The following C6orf132 variants were observed in gnomAD, a reference collection of about 807,000 sequenced individuals.
The protein encoded by C6orf132 is uncharacterized protein C6orf132.
In C6orf132, 43 loss-of-function variants were observed where a neutral mutation model predicts 65.3. The observed-to-expected ratio is 0.66, with a 90% CI of 0.52 to 0.85. C6orf132 has a LOEUF of 0.85. Among genes scored for constraint, C6orf132 ranks in the 40% least tolerant of loss-of-function variants. The probability of loss-of-function intolerance (pLI) is 0.00; values close to 1 mark genes in which losing one functional copy is unlikely to be tolerated. For synonymous variants in C6orf132, 631 were observed against 654.1 expected (o/e 0.96, Z 0.54); for missense variants, 1,488 against 1,548.8 (o/e 0.96, Z 0.66).
At chr6:42,119,966 T>C (rs9369338) in intron 2 of C6orf132, among the ~76,000 whole-genome samples, 78,647 of 151,432 alleles carry the variant, frequency 0.52, 20,840 homozygotes, top group Middle Eastern at 0.68. Flanking sequence ...TGGTGGCACA[T>C]GCCTGTAATC....
chr6:42,105,787 T>C lies in C6orf132; in HGVS notation c.2125A>G (p.Lys709Glu). 6.5e-7 allele frequency: 1 copy of C among 1,537,298 alleles called. No homozygotes were observed. Among genetic ancestry groups the C allele is most frequent in the Non-Finnish European group, 8.7e-7 (1 of 1,146,918 alleles). ...PTTTSQLMAE[K>E]DSGPAGQPEK... ...GGCTGGCCAGCTGGGCCTGAGTCCT[T>C]CTCTGCCATCAGTTGGGATGTGGTG... is the stretch of plus-strand genomic sequence containing the variant. Residue 709 changes from lysine to glutamate, a missense_variant, in exon 4 of 5, where the codon AAG (lysine) becomes GAG (glutamate). Coordinates refer to ENST00000341865, the MANE Select transcript of C6orf132 (RefSeq NM_001164446.3).
chr6:42,112,751 C>T (rs1399348686), intron 2 of C6orf132, among the ~76,000 whole-genome samples: 1 of 152,158 alleles, frequency 6.6e-6, no homozygotes, highest in Non-Finnish European at 1.5e-5. Context: ...TGGTATCCCC[C>T]AAAGCTGGAT....
chr6:42,121,693 C>T (rs564172560), intron 2 of C6orf132, among the ~76,000 whole-genome samples: 2 of 152,380 alleles, frequency 1.3e-5, no homozygotes, highest in African/African-American at 4.8e-5. Flanking sequence ...TCGTGGAATG[C>T]AAACTTCCTC....
chr6:42,141,639 G>T (rs915608135), intron 1 of C6orf132, among the ~76,000 whole-genome samples: 4 of 152,172 alleles, frequency 2.6e-5, no homozygotes, highest in Admixed American at 1.3e-4. Context: ...TGGCTCCTCG[G>T]TCTTAGCCCA....
intron 1 of C6orf132, among the ~76,000 whole-genome samples, chr6:42,140,346 G>C (rs995941362): frequency 6.6e-6 from 1 of 152,242 alleles, no homozygotes; most frequent in Non-Finnish European, 1.5e-5. Flanking sequence ...AAGTGGCTGA[G>C]AGGCGTGGCT....
chr6:42,108,768 A>T (rs1046940510), intron 3 of C6orf132, among the ~76,000 whole-genome samples: 5 of 152,058 alleles, frequency 3.3e-5, no homozygotes, highest in African/African-American at 1.2e-4. Flanking sequence ...CCTCTCCCAG[A>T]GTCTACTTCC....
intron 2 of C6orf132, among the ~76,000 whole-genome samples, chr6:42,115,669 ATAAAACGGT>A (rs1245812212): frequency 2.0e-5 from 3 of 152,212 alleles, no homozygotes; most frequent in Admixed American, 1.3e-4. Flanking sequence ...AAATAAATAA[ATAAAACGGT>A]TAAAACGGTA....
chr6:42,109,116 G>A (rs1484467680), intron 3 of C6orf132, among the ~76,000 whole-genome samples: 2 of 152,172 alleles, frequency 1.3e-5, no homozygotes, highest in Non-Finnish European at 2.9e-5. Flanking sequence ...ACCAGCAGGG[G>A]AGGGGTGCAG....
At chr6:42,132,291 G>A (rs573627662) in intron 1 of C6orf132, among the ~76,000 whole-genome samples, 12 of 151,956 alleles carry the variant, frequency 7.9e-5, no homozygotes, top group South Asian at 2.1e-4. Context: ...CGAGGCGGGC[G>A]GATCACAAGG....
chr6:42,115,960 C>T (rs1240342858), intron 2 of C6orf132, among the ~76,000 whole-genome samples: 6 of 115,016 alleles, frequency 5.2e-5, no homozygotes, highest in Admixed American at 4.7e-4. Flanking sequence ...GAGATGGTCT[C>T]GCTGTGTCGC....
chr6:42,106,417 G>A lies in C6orf132; in HGVS notation c.1495C>T (p.Gln499Ter). 1 of 1,536,070 alleles carries A rather than the reference G, an allele frequency of 6.5e-7. No individual in the cohort carries two copies. Among genetic ancestry groups the A allele is most frequent in the Non-Finnish European group, 8.7e-7 (1 of 1,146,858 alleles). Residue 499 changes from glutamine to a stop codon, truncating the protein, a stop_gained, in exon 4 of 5, where the codon CAG becomes TAG. Transcript: ENST00000341865. LOFTEE classifies it high-confidence loss of function. ...GGGCCCTTCTTGCCCTCCTTGCTCTGAGGGGCCACTGTTGGGCCTGGCCTG... is the reference window on the plus strand; with the variant it reads ...GGGCCCTTCTTGCCCTCCTTGCTCTAAGGGGCCACTGTTGGGCCTGGCCTG... ...SHRPGPTVAP[Q>*]SKEGKKGPRL... is the part of the protein sequence containing the mutation.
chr6:42,137,368 C>T (rs1766960428), intron 1 of C6orf132, among the ~76,000 whole-genome samples: 1 of 152,126 alleles, frequency 6.6e-6, no homozygotes, highest in Admixed American at 6.5e-5. Flanking sequence ...GCCGGCAAAC[C>T]ACAGCACACC....
In C6orf132 at chr6:42,105,720, G is replaced by A; in HGVS notation, c.2192C>T (p.Ala731Val). The A allele has an allele frequency of 6.5e-7, 1 of 1,537,324 alleles. No homozygotes were observed. Among genetic ancestry groups the A allele is most frequent in the Non-Finnish European group, 8.7e-7 (1 of 1,146,928 alleles). ...CTCTGAGGGGGACCCCTCTCCCCTTGCCTGGGAGGGAGTGGAAACTTCTTG... is the reference window on the plus strand; with the variant it reads ...CTCTGAGGGGGACCCCTCTCCCCTTACCTGGGAGGGAGTGGAAACTTCTTG... ...ASQEVSTPSQ[A>V]RGEGSPSEAT... The change falls in exon 4 of 5, where the codon GCA becomes GTA. Residue 731 changes from alanine to valine, a missense_variant. By Grantham distance (64) the Ala-to-Val change is moderately conservative (BLOSUM62 0). Coordinates refer to ENST00000341865, the MANE Select transcript of C6orf132 (RefSeq NM_001164446.3).
At position 42,101,125 on chromosome 6, in the gene C6orf132, T is replaced by C. The variant is rs910177559; in HGVS notation, c.*2636A>G. 2 of 145,270 alleles carry C rather than the reference T, an allele frequency of 1.4e-5. No individual in the cohort carries two copies. The highest frequency in any genetic ancestry group is 3.0e-5 in the Non-Finnish European group (2 of 65,752). The allele number at this position is 145,270 out of a possible 1,614,324, so 9.0% of individuals were successfully genotyped here. A position where few individuals can be genotyped will look rare whatever the true frequency, so the allele number is the denominator to read the frequency against. On this transcript the variant is annotated 3_prime_UTR_variant, in exon 5 of 5. Transcript: ENST00000341865. ...TAAAAGTATGACGTCAAGATGGCCT[T>C]AAAAAAAAAAGCTTTATGGAAAACT...
intron 3 of C6orf132, among the ~76,000 whole-genome samples, chr6:42,108,418 C>T (rs1766446941): frequency 6.6e-6 from 1 of 152,148 alleles, no homozygotes; most frequent in South Asian, 2.1e-4. Context: ...TTCCTACCAT[C>T]TGTGCTTAAC....
Position 42,139,279 on chromosome 6 carries a change from AAT to A in C6orf132, c.145+3019_145+3020del, listed in dbSNP as rs576291176. Among the ~76,000 whole-genome samples, 186 of 152,336 alleles carry A rather than the reference AAT, an allele frequency of 1.2e-3. 1 individual carries two copies. Among genetic ancestry groups the A allele is most frequent in the African/African-American group, 4.1e-3 (171 of 41,580 alleles). ...AATCCCACTCTCTCTGAGACTTTGA[AAT>A]AGTCTTTTCATGGCTCAGTTTCCTC... On this transcript the variant is annotated intron_variant, in intron 1 of 4. Transcript: ENST00000341865.
rs930421371 is a variant in C6orf132, at chr6:42,124,419, G to T, written c.252+4253C>A. ...GGCAGGCTCCTGTAGGGCACTGACA[G>T]GGAGGGTAGGCTCAGAAGATGGCCC... On this transcript the variant is annotated intron_variant, in intron 2 of 4. Coordinates refer to ENST00000341865, the MANE Select transcript of C6orf132 (RefSeq NM_001164446.3). The surrounding 1 kb of genome is among the most constrained non-coding windows in gnomAD (Gnocchi z 4.0). 6.6e-6 allele frequency among the ~76,000 whole-genome samples: 1 copy of T among 152,256 alleles called. No homozygotes were observed. Among genetic ancestry groups the T allele is most frequent in the African/African-American group, 2.4e-5 (1 of 41,466 alleles).
At position 42,103,224 on chromosome 6, in the gene C6orf132, C is replaced by T. The variant is rs1413283908; in HGVS notation, c.*537G>A. The T allele has an allele frequency of 5.0e-6, 2 of 398,562 alleles. No homozygotes were observed. Among genetic ancestry groups the T allele is most frequent in the Admixed American group, 4.4e-5 (1 of 22,718 alleles). The allele number at this position is 398,562 out of a possible 1,614,324, so 24.7% of individuals were successfully genotyped here. ...GTCCCACCTCAATGCGGCTAGGAAC[C>T]CCAGGTGTCCACTCTTGCTTGGGAT... On this transcript the variant is annotated 3_prime_UTR_variant, in exon 5 of 5. Transcript: ENST00000341865.
At position 42,104,990 on chromosome 6, in the gene C6orf132, C is replaced by T. The variant is rs747791855; in HGVS notation, c.2922G>A (p.Arg974=). 200 of 1,514,700 alleles carry T rather than the reference C, an allele frequency of 1.3e-4. No individual in the cohort carries two copies. The highest frequency in any genetic ancestry group is 1.5e-4 in the Non-Finnish European group (175 of 1,135,700). The allele number at this position is 1,514,700 out of a possible 1,614,324, so 93.8% of individuals were successfully genotyped here. A position where few individuals can be genotyped will look rare whatever the true frequency, so the allele number is the denominator to read the frequency against. ...FSSPPSPSNK[R]EEEEEEFNFE... ...AGTTGAACTCCTCCTCCTCCTCCTC[C>T]CTCTTGTTCGAAGGAGAAGGTGGGG... The change falls in exon 4 of 5, where the codon AGG becomes AGA. Residue 974 remains arginine, a synonymous_variant. Coordinates refer to ENST00000341865, the MANE Select transcript of C6orf132 (RefSeq NM_001164446.3). This position sits in a 1 kb window ranked among gnomAD's most constrained non-coding sequence, Gnocchi z 4.1.
Sources: gnomAD v4.1 joint callset for allele counts (sites outside exome capture counted in the v4.1 genomes callset) on GRCh38, gnomAD v4.1.1 for gene constraint, Gnocchi (gnomAD v3.1) non-coding constraint, MANE v1.5 for transcripts, NCBI Gene and HGNC (gene_info 2026-07-23, HGNC 2026-07-21) for gene names.